The following IFT81 variants were observed in gnomAD, a reference collection of about 807,000 sequenced individuals.
IFT81 encodes intraflagellar transport 81, also known as intraflagellar transport protein 81 homolog.
In IFT81, 72 loss-of-function variants were observed where a neutral mutation model predicts 102.6. That is an observed-to-expected ratio of 0.70 (90% CI 0.58 to 0.85). The LOEUF is 0.85. IFT81 is among the 40% of genes least tolerant of loss of function. The pLI is 0.00. For synonymous variants in IFT81, 237 were observed against 242.7 expected, an observed-to-expected ratio of 0.98 and a Z score of 0.22; for missense variants, 723 against 787.3, an observed-to-expected ratio of 0.92 and a Z score of 0.98.
chr12:110,214,981 G>A (rs1869895414), intron 18 of IFT81, among the ~76,000 whole-genome samples: 2 of 152,040 alleles, frequency 1.3e-5, no homozygotes, highest in Admixed American at 6.6e-5. Flanking sequence ...GTATTAATAT[G>A]CCAGGTATTG....
intron 17 of IFT81, among the ~76,000 whole-genome samples, chr12:110,208,043 C>T (rs1340983583): frequency 6.6e-6 from 1 of 151,928 alleles, no homozygotes; most frequent in East Asian, 1.9e-4. Context: ...CCATTATTGC[C>T]ATGTCTCAGA....
At chr12:110,146,444 A>G (rs1312008254) in intron 9 of IFT81, among the ~76,000 whole-genome samples, 2 of 152,228 alleles carry the variant, frequency 1.3e-5, no homozygotes, top group African/African-American at 4.8e-5. Context: ...TGAAGTCACA[A>G]CGTAGGTGAG....
chr12:110,197,270 A>C (rs1898045926), intron 14 of IFT81, among the ~76,000 whole-genome samples: 1 of 151,928 alleles, frequency 6.6e-6, no homozygotes, highest in Non-Finnish European at 1.5e-5. Flanking sequence ...ATAGATAGAT[A>C]GATAGATAGA....
At chr12:110,125,063 G>C (rs1334107974) in intron 1 of IFT81, among the ~76,000 whole-genome samples, 2 of 152,076 alleles carry the variant, frequency 1.3e-5, no homozygotes, top group African/African-American at 2.4e-5. Context: ...TCCTGGAAAC[G>C]TTGTACTAGT....
At chr12:110,157,561 T>C (rs1461271693) in intron 10 of IFT81, among the ~76,000 whole-genome samples, 1 of 152,200 alleles carries the variant, frequency 6.6e-6, no homozygotes, top group Non-Finnish European at 1.5e-5. Flanking sequence ...TATATTTGTA[T>C]TTAATCAAAT....
At chr12:110,154,352 C>T (rs1225726821) in intron 10 of IFT81, among the ~76,000 whole-genome samples, 1 of 149,052 alleles carries the variant, frequency 6.7e-6, no homozygotes, top group East Asian at 2.0e-4. Flanking sequence ...TATTTTTGGC[C>T]GGGTGCGGTG....
chr12:110,215,025 T>G (rs1430582173), intron 18 of IFT81, among the ~76,000 whole-genome samples: 5 of 152,218 alleles, frequency 3.3e-5, no homozygotes, highest in Non-Finnish European at 5.9e-5. Flanking sequence ...TTTATATTTT[T>G]AAAATTCTGT....
chr12:110,162,116 G>A (rs1896165887), intron 10 of IFT81, among the ~76,000 whole-genome samples: 1 of 152,062 alleles, frequency 6.6e-6, no homozygotes, highest in South Asian at 2.1e-4. Context: ...GCCCAAATAT[G>A]ATAGATGTTT....
At chr12:110,156,141 A>G (rs1006517850) in intron 10 of IFT81, among the ~76,000 whole-genome samples, 1 of 152,246 alleles carries the variant, frequency 6.6e-6, no homozygotes, top group South Asian at 2.1e-4. Context: ...TAAATTATAT[A>G]CAAAACAAAA....
At chr12:110,215,158 C>A (rs1869914556) in intron 18 of IFT81, among the ~76,000 whole-genome samples, 1 of 151,994 alleles carries the variant, frequency 6.6e-6, no homozygotes, top group South Asian at 2.1e-4. Flanking sequence ...TAGGCAAGTA[C>A]CAACTACCAG....
chr12:110,144,107 G>T (rs1401748985), intron 9 of IFT81, among the ~76,000 whole-genome samples: 2 of 150,454 alleles, frequency 1.3e-5, no homozygotes, highest in Non-Finnish European at 3.0e-5. Flanking sequence ...CTGCCTCCTG[G>T]GTTCAAGTGA....
intron 11 of IFT81, among the ~76,000 whole-genome samples, chr12:110,172,621 G>A (rs1479812304): frequency 1.3e-5 from 2 of 152,276 alleles, no homozygotes; most frequent in East Asian, 1.9e-4. Context: ...GCTCCTAACC[G>A]CGAGTGATCC....
chr12:110,189,457 T>G (rs1339259799), intron 12 of IFT81, among the ~76,000 whole-genome samples: 1 of 152,128 alleles, frequency 6.6e-6, no homozygotes, highest in Non-Finnish European at 1.5e-5. Context: ...CAAGTGATTC[T>G]CCTGCCTCAG....
intron 18 of IFT81, 56 bp downstream of exon 18, chr12:110,209,272 C>G (rs1414747991): frequency 4.7e-6 from 4 of 846,222 alleles, no homozygotes; most frequent in Non-Finnish European, 5.8e-6. Context: ...GCTTTCAGTA[C>G]TGTACATGGT....
chr12:110,139,336 C>CAA (rs398044810), intron 8 of IFT81, among the ~76,000 whole-genome samples: 62 of 52,450 alleles, frequency 1.2e-3, no homozygotes, highest in Middle Eastern at 0.01. Flanking sequence ...GACTCTGTCT[C>CAA]AAAAAAAAAA....
intron 12 of IFT81, among the ~76,000 whole-genome samples, chr12:110,188,716 A>G (rs1362521225): frequency 6.6e-6 from 1 of 151,592 alleles, no homozygotes; most frequent in African/African-American, 2.4e-5. Flanking sequence ...TGAGGTCAGG[A>G]GATCAAGACC....
chr12:110,139,866 T>TAAATAAAATAAAATATAAAATAAA (rs1477964163), intron 8 of IFT81, among the ~76,000 whole-genome samples: 1 of 130,092 alleles, frequency 7.7e-6, no homozygotes, highest in African/African-American at 3.1e-5. Context: ...TAAAATAAAA[T>TAAATAAAATAAAATATAAAATAAA]ATAAAATAAA....
At chr12:110,150,353 A>G (rs1358486070) in intron 10 of IFT81, among the ~76,000 whole-genome samples, 1 of 152,090 alleles carries the variant, frequency 6.6e-6, no homozygotes, top group Non-Finnish European at 1.5e-5. Flanking sequence ...CTGGAATTAC[A>G]GGTGTGAGCC....
intron 11 of IFT81, 68 bp from the exon 12 acceptor site, chr12:110,180,354 A>G (rs978267915): frequency 3.1e-6 from 3 of 954,468 alleles, no homozygotes; most frequent in Non-Finnish European, 4.7e-6. Context: ...TATTGAGTTT[A>G]TACAGATGTA....
Sources: gnomAD v4.1 joint callset for allele counts (sites outside exome capture counted in the v4.1 genomes callset) on GRCh38, gnomAD v4.1.1 for gene constraint, MANE v1.5 for transcripts, NCBI Gene and HGNC (gene_info 2026-07-23, HGNC 2026-07-21) for gene names.